CYP4F12: variants seen among roughly 807,000 people sequenced by gnomAD.
The protein encoded by CYP4F12 is cytochrome P450 4F12.
CYP4F12 carries 60 observed loss-of-function variants against 56.5 expected under a neutral mutation model. The observed-to-expected ratio is 1.06, with a 90% CI of 0.86 to 1.32. The LOEUF is 1.32. Ranked by LOEUF, CYP4F12 falls within the 40% of genes most tolerant of loss-of-function variation. The pLI is 0.00. For missense variants in CYP4F12, 711 were observed against 683.5 expected (o/e 1.04, Z -0.45); for synonymous variants, 263 against 264.9 (o/e 0.99, Z 0.07).
At chr19:15,685,925 G>A (rs781586767) in intron 9 of CYP4F12, among the ~76,000 whole-genome samples, 3 of 152,162 alleles carry the variant, frequency 2.0e-5, no homozygotes, top group Non-Finnish European at 4.4e-5. Flanking sequence ...CACCTGCATC[G>A]TTCATCCATT....
At chr19:15,677,717 C>T (rs1331394563) in intron 2 of CYP4F12, among the ~76,000 whole-genome samples, 3 of 146,344 alleles carry the variant, frequency 2.0e-5, no homozygotes, top group South Asian at 2.2e-4. Flanking sequence ...CCTCTACCCA[C>T]ACACTCATTC....
At chr19:15,693,389 G>A (rs556310823) in intron 9 of CYP4F12, among the ~76,000 whole-genome samples, 7 of 152,232 alleles carry the variant, frequency 4.6e-5, no homozygotes, top group African/African-American at 1.4e-4. Context: ...GGGGCCTCTA[G>A]TGTTTTCTAA....
At chr19:15,678,789 AT>A (rs1298705863) in intron 3 of CYP4F12, among the ~76,000 whole-genome samples, 1 of 152,082 alleles carries the variant, frequency 6.6e-6, no homozygotes, top group Non-Finnish European at 1.5e-5. Context: ...AATAAGTAGG[AT>A]TTTTTAAGTG....
chr19:15,675,103 T>C (rs10410800), intron 2 of CYP4F12, among the ~76,000 whole-genome samples: 137,524 of 151,922 alleles, frequency 0.91, 62,214 homozygotes, highest in East Asian at 1. Flanking sequence ...CCAGGGACAA[T>C]GTGCTCTTCC....
intron 9 of CYP4F12, among the ~76,000 whole-genome samples, chr19:15,686,260 G>T (rs569045488): frequency 2.2e-4 from 34 of 152,194 alleles, no homozygotes; most frequent in African/African-American, 7.2e-4. Flanking sequence ...AGATCAACCT[G>T]GGCAATATAG....
chr19:15,680,350 G>A (rs371537480), intron 4 of CYP4F12, 42 bp from the exon 5 acceptor site: 3 of 1,613,696 alleles, frequency 1.9e-6, no homozygotes, highest in African/African-American at 2.7e-5. Flanking sequence ...GGAGGGTAGG[G>A]GAAGTGCTGC....
At chr19:15,684,089 G>A (rs934478891) in intron 7 of CYP4F12, 6 of 176,114 alleles carry the variant, frequency 3.4e-5, no homozygotes, top group African/African-American at 1.4e-4. Context: ...CTGGATCACA[G>A]CAGCCCATTA....
chr19:15,688,689 C>G (rs1442573417), intron 9 of CYP4F12, among the ~76,000 whole-genome samples: 1 of 152,198 alleles, frequency 6.6e-6, no homozygotes, highest in Non-Finnish European at 1.5e-5. Context: ...GGAGGCATCA[C>G]ATTACCGGAC....
chr19:15,681,134 T>C, intron 5 of CYP4F12: 1 of 167,194 alleles, frequency 6.0e-6, no homozygotes, highest in Non-Finnish European at 1.3e-5. Context: ...CTGTGGACAT[T>C]GTCTCTGCAA....
At chr19:15,673,417 CT>C in intron 1 of CYP4F12, 111 bp from the exon 2 acceptor site, 1 of 1,257,256 alleles carries the variant, frequency 8.0e-7, no homozygotes, top group Non-Finnish European at 1.1e-6. Flanking sequence ...TTACTCACCC[CT>C]GAGCCCTCCC....
chr19:15,696,578 G>GCAACGTCCCCCTTT, intron 12 of CYP4F12, 66 bp downstream of exon 12: 1 of 1,509,746 alleles, frequency 6.6e-7, no homozygotes, highest in Non-Finnish European at 9.0e-7. Flanking sequence ...AAAGGGGGAC[G>GCAACGTCCCCCTTT]TTGCAGATGG....
Position 15,697,079 on chromosome 19 carries a change from G to A in CYP4F12, c.1569G>A (p.Leu523=). The change falls in exon 13 of 13, where the codon TTG becomes TTA. Residue 523 remains leucine (L), a synonymous_variant. Coordinates refer to ENST00000550308, the MANE Select transcript of CYP4F12 (RefSeq NM_023944.4). Reference sequence around the variant, plus strand: ...GGGTGGAGCCCCTGAATGTAAGCTTGCAGTGACTTTCTGACCCATCCACCT... The same window carrying A: ...GGGTGGAGCCCCTGAATGTAAGCTTACAGTGACTTTCTGACCCATCCACCT... ...WLRVEPLNVS[L]Q The A allele has an allele frequency of 6.2e-7, 1 of 1,612,544 alleles. No homozygotes were observed.
rs1410591833 is a variant in CYP4F12, at chr19:15,680,506, C to A, written c.512C>A (p.Ala171Glu). Residue 171 changes from alanine (A) to glutamate (E), a missense_variant, in exon 5 of 13, where the codon GCA (alanine) becomes GAA (glutamate). By Grantham distance (107) the Ala-to-Glu change is moderately radical (BLOSUM62 -1). Transcript: ENST00000550308. ...KSYITIFNKS[A>E]NIMLDKWQHL... is the part of the protein sequence containing the mutation. ...TATATAACGATCTTCAACAAGAGTG[C>A]AAACATCATGCTTGTGAGTCCCTTG... is the stretch of plus-strand genomic sequence containing the variant. The A allele has an allele frequency of 6.2e-7, 1 of 1,614,176 alleles. No homozygotes were observed. The highest frequency in any genetic ancestry group is 1.3e-5 in the African/African-American group (1 of 75,040).
At chr19:15,678,516 C>G in intron 3 of CYP4F12, 111 bp downstream of exon 3, 1 of 1,366,390 alleles carries the variant, frequency 7.3e-7, no homozygotes, top group South Asian at 1.3e-5. Context: ...ACTTCCTTCT[C>G]AATGTCTTCT....
chr19:15,690,228 T>C (rs1326301523), intron 9 of CYP4F12, among the ~76,000 whole-genome samples: 1 of 152,210 alleles, frequency 6.6e-6, no homozygotes, highest in African/African-American at 2.4e-5. Flanking sequence ...ATTTTAATTA[T>C]ATATGTTTAT....
rs2007047966 is a variant in CYP4F12, at chr19:15,677,767, C to T, written c.199-494C>T. ...TCATTCCTCTACCCATGCACTCATTCTTCTCCTCACTCATTCCTTCCTCTC... is the reference window on the plus strand; with the variant it reads ...TCATTCCTCTACCCATGCACTCATTTTTCTCCTCACTCATTCCTTCCTCTC... On this transcript the variant is annotated intron_variant, in intron 2 of 12. Coordinates refer to ENST00000550308, the MANE Select transcript of CYP4F12 (RefSeq NM_023944.4). 2.0e-5 allele frequency among the ~76,000 whole-genome samples: 3 copies of T among 151,620 alleles called. 1 individual carries two copies. The highest frequency in any genetic ancestry group is 7.3e-5 in the African/African-American group (3 of 41,116).
chr19:15,692,474 C>A (rs1183704567), intron 9 of CYP4F12, among the ~76,000 whole-genome samples: 5 of 151,956 alleles, frequency 3.3e-5, no homozygotes, highest in Admixed American at 1.3e-4. Flanking sequence ...ATGATTTATG[C>A]ATATAAATTC....
intron 9 of CYP4F12, among the ~76,000 whole-genome samples, chr19:15,688,487 C>T (rs1323374168): frequency 1.3e-5 from 2 of 152,118 alleles, no homozygotes; most frequent in Admixed American, 6.5e-5. Context: ...AAACACATCC[C>T]ATGTTCATGG....
intron 9 of CYP4F12, among the ~76,000 whole-genome samples, chr19:15,687,160 C>T (rs1396887367): frequency 6.6e-6 from 1 of 152,002 alleles, no homozygotes; most frequent in African/African-American, 2.4e-5. Context: ...GCCTGTAGTC[C>T]CAGCTACTCT....
Sources: gnomAD v4.1 joint callset for allele counts (sites outside exome capture counted in the v4.1 genomes callset) on GRCh38, gnomAD v4.1.1 for gene constraint, MANE v1.5 for transcripts, NCBI Gene and HGNC (gene_info 2026-07-23, HGNC 2026-07-21) for gene names.